The following SLC26A7 variants were observed in gnomAD, a reference collection of about 807,000 sequenced individuals.
SLC26A7 encodes solute carrier family 26 member 7.
In SLC26A7, 59 loss-of-function variants were observed where a neutral mutation model predicts 82.5. That is an observed-to-expected ratio of 0.72 (90% CI 0.58 to 0.89). SLC26A7 has a LOEUF of 0.89. Ranked by LOEUF, SLC26A7 falls within the 40% of genes least tolerant of loss-of-function variation. The probability of loss-of-function intolerance (pLI) is 0.00; values close to 1 mark genes in which losing one functional copy is unlikely to be tolerated. For missense variants in SLC26A7, 820 were observed against 793.0 expected (o/e 1.03, Z -0.41); for synonymous variants, 271 against 274.3 (o/e 0.99, Z 0.12).
rs1000759679 is a variant in SLC26A7 at position 91,229,502 on chromosome 8, C to G, written c.-34+10497C>G. Among the ~76,000 whole-genome samples, 16 of 152,256 alleles carry G rather than the reference C, an allele frequency of 1.1e-4. No homozygotes were observed. The South Asian group carries it at 1.2e-3, about 12-fold the overall frequency. ...TAAAATTAACATTTACTATATTTGC[C>G]TTATTAAATATCTATTTATTCCTCT... On this transcript the variant is annotated intron_variant, in intron 2 of 5. Coordinates refer to the SLC26A7 transcript ENST00000522862.
At position 91,295,678 on chromosome 8, in the gene SLC26A7, T is replaced by A. The variant is rs756588558; in HGVS notation, c.452T>A (p.Val151Asp). Residue 151 changes from valine to aspartate, a missense_variant, in exon 4 of 19, where the codon GTT (valine) becomes GAT (aspartate). Coordinates refer to ENST00000276609, the MANE Select transcript of SLC26A7 (RefSeq NM_052832.4). ...EMQRIHVAAA[V>D]SFLGGVIQVA... ...CAAAGGATCCACGTTGCTGCAGCAG[T>A]TTCCTTCTTGGGAGGTGTGATTCAG... The A allele has an allele frequency of 1.2e-6, 2 of 1,614,006 alleles. No homozygotes were observed. Among genetic ancestry groups the A allele is most frequent in the Non-Finnish European group, 1.7e-6 (2 of 1,179,922 alleles).
chr8:91,234,825 C>CTTCCTTCCTTCCTTCCTTCCTTCCT (rs1267737133), intron 2 of SLC26A7, among the ~76,000 whole-genome samples: 5 of 86,474 alleles, frequency 5.8e-5, no homozygotes, highest in African/African-American at 2.3e-4. Context: ...ACCTACCTAC[C>CTTCCTTCCTTCCTTCCTTCCTTCCT]TACTTCCTTC....
intron 2 of SLC26A7, among the ~76,000 whole-genome samples, chr8:91,286,291 A>G (rs1811708559): frequency 6.6e-6 from 1 of 152,204 alleles, no homozygotes; most frequent in Admixed American, 6.5e-5. Flanking sequence ...CCCTGAGACT[A>G]TTGGTGATTT....
intron 2 of SLC26A7, among the ~76,000 whole-genome samples, chr8:91,234,781 TTCCC>T (rs1299467536): frequency 3.4e-4 from 40 of 119,004 alleles, no homozygotes; most frequent in Non-Finnish European, 6.6e-4. Flanking sequence ...CCTTCCTTCC[TTCCC>T]TCCCTCCCTA....
In SLC26A7 at chr8:91,335,666, A is replaced by G. The variant is rs1426555637; in HGVS notation, c.795+1219A>G. Among the ~76,000 whole-genome samples, 4 of 152,232 alleles carry G rather than the reference A, an allele frequency of 2.6e-5. No homozygotes were observed. The East Asian group carries it at 5.8e-4, about 22-fold the overall frequency. On this transcript the variant is annotated intron_variant, in intron 6 of 18. Transcript: ENST00000276609. Reference sequence around the variant, plus strand: ...TTACGATTATTCTTACAATAAGATTAAAGGTATTCTTTATACGTGTTATCC... The same window carrying G: ...TTACGATTATTCTTACAATAAGATTGAAGGTATTCTTTATACGTGTTATCC...
chr8:91,370,139 A>C (rs55904133), intron 15 of SLC26A7, among the ~76,000 whole-genome samples: 97 of 148,302 alleles, frequency 6.5e-4, no homozygotes, highest in African/African-American at 2.1e-3. Flanking sequence ...CTTCACTTCT[A>C]GTCTTCTTTC....
chr8:91,214,827 T>A (rs1276112189), intron 1 of SLC26A7, among the ~76,000 whole-genome samples: 1 of 151,734 alleles, frequency 6.6e-6, no homozygotes, highest in African/African-American at 2.4e-5. Context: ...TTTTTTACAG[T>A]CAAGTAGATC....
At chr8:91,387,302 T>C (rs570409869) in intron 15 of SLC26A7, among the ~76,000 whole-genome samples, 1 of 152,320 alleles carries the variant, frequency 6.6e-6, no homozygotes, top group South Asian at 2.1e-4. Context: ...TTATGTTTAA[T>C]TAGGCAAATA....
At chr8:91,300,444 CTG>C (rs1812132369) in intron 4 of SLC26A7, among the ~76,000 whole-genome samples, 2 of 150,944 alleles carry the variant, frequency 1.3e-5, no homozygotes, top group Non-Finnish European at 2.9e-5. Context: ...GTCACCCAGG[CTG>C]GAGTGCAGGG....
Position 91,295,589 on chromosome 8 carries a change from GA to G in SLC26A7, c.365del (p.Asn122ThrfsTer36), listed in dbSNP as rs766463141. 1 of 1,614,086 alleles carries G rather than the reference GA, an allele frequency of 6.2e-7. No homozygotes were observed. The highest frequency in any genetic ancestry group is 8.5e-7 in the Non-Finnish European group (1 of 1,179,960). ...ANAVERIVPQNMQNLTTQSNT... is the reference protein window; with the variant it reads ...ANAVERIVPQXMQNLTTQSNT... ...ACGCCGTGGAACGGATTGTCCCTCA[GA>G]ACATGCAGAATCTCACCACACAGAG... is the stretch of plus-strand genomic sequence containing the variant. On this transcript the variant is annotated frameshift_variant, in exon 4 of 19. Transcript: ENST00000276609. LOFTEE classifies it high-confidence loss of function.
At chr8:91,299,853 T>C (rs2130782658) in intron 4 of SLC26A7, among the ~76,000 whole-genome samples, 1 of 152,342 alleles carries the variant, frequency 6.6e-6, no homozygotes, top group East Asian at 1.9e-4. Flanking sequence ...AAATCAGAAA[T>C]TTATTGTTCT....
intron 2 of SLC26A7, among the ~76,000 whole-genome samples, chr8:91,234,837 TTCC>T (rs1441307525): frequency 6.8e-6 from 1 of 147,892 alleles, no homozygotes; most frequent in Non-Finnish European, 1.5e-5. Context: ...ACTTCCTTCC[TTCC>T]TTCCTTCCTT....
At chr8:91,326,918 A>G (rs954518316) in intron 5 of SLC26A7, among the ~76,000 whole-genome samples, 1 of 152,130 alleles carries the variant, frequency 6.6e-6, no homozygotes, top group African/African-American at 2.4e-5. Flanking sequence ...CTCTGTCTTC[A>G]CATGGCCTTC....
At chr8:91,371,227 C>T (rs1443141127) in intron 15 of SLC26A7, among the ~76,000 whole-genome samples, 1 of 151,604 alleles carries the variant, frequency 6.6e-6, no homozygotes, top group Non-Finnish European at 1.5e-5. Context: ...TTTTAACTTC[C>T]CTTTTTCTTA....
At chr8:91,281,953 G>A (rs1298883020) in intron 2 of SLC26A7, among the ~76,000 whole-genome samples, 2 of 152,054 alleles carry the variant, frequency 1.3e-5, no homozygotes, top group Non-Finnish European at 1.5e-5. Context: ...ATATCTCTTT[G>A]GGAGTTCTTA....
intron 2 of SLC26A7, among the ~76,000 whole-genome samples, chr8:91,227,393 A>C (rs1051085348): frequency 2.6e-5 from 4 of 152,162 alleles, no homozygotes; most frequent in African/African-American, 9.7e-5. Flanking sequence ...CTTAACATCT[A>C]TGTTGTGGGG....
At chr8:91,246,623 C>T (rs1414511784), upstream of SLC26A7, among the ~76,000 whole-genome samples, 1 of 151,812 alleles carries the variant, frequency 6.6e-6, no homozygotes, top group Non-Finnish European at 1.5e-5. Flanking sequence ...TCGCTTGAAC[C>T]TGGAAGGTGG....
intron 16 of SLC26A7, among the ~76,000 whole-genome samples, chr8:91,391,677 T>C (rs762468962): frequency 1.3e-5 from 2 of 152,184 alleles, no homozygotes; most frequent in Admixed American, 1.3e-4. Context: ...TTTAAGGCTC[T>C]TCTGAGGTGC....
chr8:91,341,538 C>T (rs929563107), intron 8 of SLC26A7, among the ~76,000 whole-genome samples: 1 of 152,178 alleles, frequency 6.6e-6, no homozygotes, highest in Non-Finnish European at 1.5e-5. Flanking sequence ...CTCTGTGCAC[C>T]AATTTTCTCA....
Sources: gnomAD v4.1 joint callset for allele counts (sites outside exome capture counted in the v4.1 genomes callset) on GRCh38, gnomAD v4.1.1 for gene constraint, MANE v1.5 for transcripts, NCBI Gene and HGNC (gene_info 2026-07-23, HGNC 2026-07-21) for gene names.